Variants in NSMCE2 observed in about 807,000 individuals in gnomAD.
The protein encoded by NSMCE2 is NSE2 SUMO ligase component of SMC5/6 complex, also known as E3 SUMO-protein ligase NSE2.
Under a neutral mutation model 23.8 loss-of-function variants are expected in NSMCE2, and 24 were observed. The observed-to-expected ratio is 1.01, with a 90% CI of 0.73 to 1.42. NSMCE2 has a LOEUF of 1.42. Among genes scored for constraint, NSMCE2 ranks in the 40% most tolerant of loss-of-function variants. NSMCE2 has a pLI of 0.00. For synonymous variants in NSMCE2, 92 were observed against 94.1 expected (o/e 0.98, Z 0.13); for missense variants, 284 against 296.5 (o/e 0.96, Z 0.31).
At chr8:125,234,976 C>T (rs975062917) in intron 5 of NSMCE2, among the ~76,000 whole-genome samples, 7 of 152,154 alleles carry the variant, frequency 4.6e-5, no homozygotes, top group African/African-American at 1.4e-4. Flanking sequence ...CCTGGCCAGG[C>T]GTGGTGGCTC....
At chr8:125,364,447 G>A (rs907309031) in intron 7 of NSMCE2, among the ~76,000 whole-genome samples, 2 of 152,134 alleles carry the variant, frequency 1.3e-5, no homozygotes, top group South Asian at 2.1e-4. Flanking sequence ...CATCTTTACT[G>A]TGGTTTGCAC....
At chr8:125,345,727 A>G (rs1830408467) in intron 5 of NSMCE2, among the ~76,000 whole-genome samples, 1 of 152,242 alleles carries the variant, frequency 6.6e-6, no homozygotes, top group African/African-American at 2.4e-5. Flanking sequence ...GCAGAAGCAC[A>G]AACTAATGTG....
chr8:125,113,221 C>G (rs1362718534), intron 3 of NSMCE2, among the ~76,000 whole-genome samples: 1 of 152,112 alleles, frequency 6.6e-6, no homozygotes, highest in African/African-American at 2.4e-5. Context: ...GTTGTGGTGG[C>G]TCACACCTGT....
intron 5 of NSMCE2, among the ~76,000 whole-genome samples, chr8:125,254,136 G>T (rs961428798): frequency 2.0e-5 from 3 of 152,100 alleles, no homozygotes; most frequent in Non-Finnish European, 4.4e-5. Flanking sequence ...TGGTATCAAA[G>T]AATTCTCTTT....
rs189648722 is a variant in NSMCE2 at position 125,193,458 on chromosome 8, A to T, written c.418+11202A>T. ...AATGGCTAATAAACATATGAAAAAT[A>T]TTTTTTAAACCACATTCATAGAATA... On this transcript the variant is annotated intron_variant, in intron 5 of 7. Transcript: ENST00000287437. Among the ~76,000 whole-genome samples the T allele has an allele frequency of 3.3e-5, 5 of 152,358 alleles. No homozygotes were observed. The East Asian group carries it at 7.7e-4, about 23-fold the overall frequency.
intron 3 of NSMCE2, among the ~76,000 whole-genome samples, chr8:125,105,262 C>G (rs1818403361): frequency 6.6e-6 from 1 of 152,130 alleles, no homozygotes; most frequent in South Asian, 2.1e-4. Flanking sequence ...AGTGGGTGGC[C>G]TCCAAATGTT....
intron 4 of NSMCE2, among the ~76,000 whole-genome samples, chr8:125,178,347 C>T (rs1028461226): frequency 1.3e-5 from 2 of 152,074 alleles, no homozygotes; most frequent in Non-Finnish European, 2.9e-5. Flanking sequence ...GATGAGTAAG[C>T]GGGTGGTACA....
At chr8:125,269,849 G>A (rs1827101912) in intron 5 of NSMCE2, among the ~76,000 whole-genome samples, 1 of 152,212 alleles carries the variant, frequency 6.6e-6, no homozygotes, top group African/African-American at 2.4e-5. Flanking sequence ...AGCTGAGAGT[G>A]TAACAAAGTA....
chr8:125,279,224 C>G (rs921938101), intron 5 of NSMCE2, among the ~76,000 whole-genome samples: 4 of 152,146 alleles, frequency 2.6e-5, no homozygotes, highest in African/African-American at 7.2e-5. Flanking sequence ...TGAGACGTGG[C>G]TGAGCCTGGA....
intron 5 of NSMCE2, among the ~76,000 whole-genome samples, chr8:125,224,947 G>A (rs1237405168): frequency 6.6e-6 from 1 of 152,166 alleles, no homozygotes; most frequent in East Asian, 1.9e-4. Context: ...GAGGAAATGG[G>A]AAGTCAGTAC....
At chr8:125,254,469 A>G (rs541086377) in intron 5 of NSMCE2, among the ~76,000 whole-genome samples, 19 of 152,378 alleles carry the variant, frequency 1.2e-4, no homozygotes, top group South Asian at 1.0e-3. Context: ...AATTAGCTTT[A>G]ACTTGCTAAA....
At chr8:125,110,535 C>T (rs916482643) in intron 3 of NSMCE2, among the ~76,000 whole-genome samples, 2 of 152,088 alleles carry the variant, frequency 1.3e-5, no homozygotes, top group African/African-American at 4.8e-5. Flanking sequence ...CTGTTGCTGT[C>T]CCCACTTTAC....
At chr8:125,183,211 T>G (rs1338764497) in intron 5 of NSMCE2, among the ~76,000 whole-genome samples, 1 of 152,200 alleles carries the variant, frequency 6.6e-6, no homozygotes, top group Non-Finnish European at 1.5e-5. Context: ...TGAAATAGGC[T>G]TTCTTTTAAA....
chr8:125,216,530 G>A (rs1824591130), intron 5 of NSMCE2, among the ~76,000 whole-genome samples: 1 of 151,810 alleles, frequency 6.6e-6, no homozygotes, highest in Non-Finnish European at 1.5e-5. Context: ...TCCCAGCTAC[G>A]TACTGAGGCA....
chr8:125,195,879 CTTTTTTTTTTTTTT>C (rs34687223), intron 5 of NSMCE2, among the ~76,000 whole-genome samples: 1 of 83,626 alleles, frequency 1.2e-5, no homozygotes, highest in South Asian at 4.8e-4. Flanking sequence ...TCCTGAATAA[CTTTTTTTTTTTTTT>C]TTTTTTTTTT....
chr8:125,206,065 A>G (rs1445527587), intron 5 of NSMCE2, among the ~76,000 whole-genome samples: 1 of 152,214 alleles, frequency 6.6e-6, no homozygotes, highest in Non-Finnish European at 1.5e-5. Context: ...AAAATTATCT[A>G]TAAAATGACG....
intron 5 of NSMCE2, among the ~76,000 whole-genome samples, chr8:125,238,164 G>A (rs985775222): frequency 1.1e-4 from 16 of 152,256 alleles, no homozygotes; most frequent in African/African-American, 3.6e-4. Flanking sequence ...TCTTGAGACA[G>A]TGAGAACTAA....
chr8:125,204,268 C>T (rs1212934708), intron 5 of NSMCE2, among the ~76,000 whole-genome samples: 4 of 152,226 alleles, frequency 2.6e-5, no homozygotes, highest in Admixed American at 6.5e-5. Flanking sequence ...GCAACAACTA[C>T]ACTCTTAAGC....
chr8:125,202,432 C>T (rs935465142), intron 5 of NSMCE2, among the ~76,000 whole-genome samples: 4 of 152,106 alleles, frequency 2.6e-5, no homozygotes, highest in Non-Finnish European at 5.9e-5. Context: ...TAGAGACTGT[C>T]TAAACCATGG....
Sources: allele counts gnomAD v4.1 joint callset (sites outside exome capture counted in the v4.1 genomes callset), GRCh38; gene constraint gnomAD v4.1.1; transcripts MANE v1.5; gene names NCBI Gene and HGNC (gene_info 2026-07-23, HGNC 2026-07-21).